The following GRM5 variants were observed in gnomAD, a reference collection of about 807,000 sequenced individuals.
The protein encoded by GRM5 is glutamate metabotropic receptor 5, also known as metabotropic glutamate receptor 5.
Under a neutral mutation model 83.1 loss-of-function variants are expected in GRM5, and 19 were observed. That is an observed-to-expected ratio of 0.23 (90% CI 0.16 to 0.34). GRM5 has a LOEUF of 0.34. GRM5 is among the 10% of genes least tolerant of loss of function. GRM5 has a pLI of 1.00. For synonymous variants in GRM5, 675 were observed against 633.6 expected (o/e 1.07, Z -0.98); for missense variants, 1,160 against 1,588.3 (o/e 0.73, Z 4.58).
At chr11:88,649,183 T>C (rs1292300554) in intron 4 of GRM5, among the ~76,000 whole-genome samples, 2 of 139,038 alleles carry the variant, frequency 1.4e-5, no homozygotes, top group Non-Finnish European at 3.0e-5. Context: ...GTATATATTA[T>C]ATATGTTATA....
At chr11:88,681,782 G>A (rs1441992346) in intron 3 of GRM5, among the ~76,000 whole-genome samples, 2 of 151,512 alleles carry the variant, frequency 1.3e-5, no homozygotes, top group Admixed American at 1.3e-4. Context: ...TGTTGGCCAT[G>A]CTGGTCTTGA....
chr11:88,989,307 C>G (rs1006077079), intron 2 of GRM5, among the ~76,000 whole-genome samples: 8 of 143,260 alleles, frequency 5.6e-5, no homozygotes, highest in Non-Finnish European at 1.2e-4. Flanking sequence ...ACAAGAAGAG[C>G]TAACTATCCT....
At chr11:88,712,545 A>C (rs1941306151) in intron 3 of GRM5, among the ~76,000 whole-genome samples, 1 of 152,048 alleles carries the variant, frequency 6.6e-6, no homozygotes, top group South Asian at 2.1e-4. Flanking sequence ...GATCATCTTA[A>C]CATCTTACTT....
intron 2 of GRM5, among the ~76,000 whole-genome samples, chr11:88,932,670 G>T (rs899604541): frequency 2.0e-5 from 3 of 151,788 alleles, no homozygotes; most frequent in African/African-American, 7.3e-5. Context: ...TCATATTTAG[G>T]ACATGATATT....
At chr11:89,064,333 A>G (rs1412413721) in intron 1 of GRM5, among the ~76,000 whole-genome samples, 1 of 152,234 alleles carries the variant, frequency 6.6e-6, no homozygotes, top group Admixed American at 6.5e-5. Context: ...CACTAAAAAA[A>G]TAGCATATGA....
At chr11:88,635,289 A>T (rs1273625518) in intron 4 of GRM5, among the ~76,000 whole-genome samples, 1 of 152,166 alleles carries the variant, frequency 6.6e-6, no homozygotes, top group Non-Finnish European at 1.5e-5. Flanking sequence ...ATTTCTACCA[A>T]CAGTATACAG....
intron 3 of GRM5, among the ~76,000 whole-genome samples, chr11:88,733,171 C>T (rs1325309838): frequency 6.6e-6 from 1 of 151,948 alleles, no homozygotes; most frequent in East Asian, 1.9e-4. Flanking sequence ...ATTCTCGTCA[C>T]TAGATTAGAA....
chr11:88,867,415 A>G (rs1944690200), intron 2 of GRM5, among the ~76,000 whole-genome samples: 1 of 151,830 alleles, frequency 6.6e-6, no homozygotes, highest in African/African-American at 2.4e-5. Context: ...GATGAAAGCA[A>G]AGACTATACC....
chr11:88,826,480 T>G (rs1438456242), intron 3 of GRM5, among the ~76,000 whole-genome samples: 2 of 151,598 alleles, frequency 1.3e-5, no homozygotes, highest in African/African-American at 4.8e-5. Flanking sequence ...TATTTTTCTT[T>G]TATTTTGGAC....
At chr11:89,014,252 A>C (rs1940789619) in intron 2 of GRM5, among the ~76,000 whole-genome samples, 1 of 152,152 alleles carries the variant, frequency 6.6e-6, no homozygotes, top group East Asian at 1.9e-4. Context: ...AGAAATTTAG[A>C]CTACTTAAGG....
At chr11:88,882,395 CAAA>C (rs11312148) in intron 2 of GRM5, among the ~76,000 whole-genome samples, 6 of 136,874 alleles carry the variant, frequency 4.4e-5, no homozygotes, top group African/African-American at 2.7e-5. Flanking sequence ...ACTAAAAATA[CAAA>C]AAAAAAAAAA....
At chr11:88,998,311 T>A (rs1282477178) in intron 2 of GRM5, among the ~76,000 whole-genome samples, 2 of 152,138 alleles carry the variant, frequency 1.3e-5, no homozygotes, top group African/African-American at 4.8e-5. Context: ...CAATGTAATA[T>A]ACCATATGAC....
chr11:88,819,464 A>T (rs1400195613), intron 3 of GRM5, among the ~76,000 whole-genome samples: 1 of 152,206 alleles, frequency 6.6e-6, no homozygotes. Context: ...TATTTATATA[A>T]CCTTAGACAA....
At chr11:88,518,906 T>C (rs560361873) in intron 9 of GRM5, among the ~76,000 whole-genome samples, 21 of 150,928 alleles carry the variant, frequency 1.4e-4, no homozygotes, top group Non-Finnish European at 3.1e-4. Context: ...TATTGAGTGG[T>C]TGATTGACTC....
intron 2 of GRM5, among the ~76,000 whole-genome samples, chr11:89,002,126 A>G (rs1246372079): frequency 2.0e-5 from 3 of 152,154 alleles, no homozygotes; most frequent in Non-Finnish European, 2.9e-5. Context: ...TGGATTGAAC[A>G]TATTTCTATT....
intron 2 of GRM5, among the ~76,000 whole-genome samples, chr11:88,899,640 C>A (rs998827045): frequency 6.6e-6 from 1 of 151,644 alleles, no homozygotes; most frequent in Non-Finnish European, 1.5e-5. Context: ...GAGCCAGAAC[C>A]AATTATTTAT....
At chr11:88,860,938 T>C (rs1410383444) in intron 2 of GRM5, among the ~76,000 whole-genome samples, 1 of 152,076 alleles carries the variant, frequency 6.6e-6, no homozygotes, top group Non-Finnish European at 1.5e-5. Flanking sequence ...ATGTTCAGTG[T>C]AAACCACAAA....
intron 2 of GRM5, among the ~76,000 whole-genome samples, chr11:88,916,978 G>T (rs1945606646): frequency 6.6e-6 from 1 of 152,100 alleles, no homozygotes; most frequent in South Asian, 2.1e-4. Flanking sequence ...GAGCCCTTGA[G>T]CATTGAATAT....
intron 3 of GRM5, among the ~76,000 whole-genome samples, chr11:88,778,798 G>A (rs747588322): frequency 6.6e-6 from 1 of 152,116 alleles, no homozygotes; most frequent in Admixed American, 6.5e-5. Flanking sequence ...AAACAAAAAT[G>A]TTTCTCTATT....
Sources: allele counts gnomAD v4.1 joint callset (sites outside exome capture counted in the v4.1 genomes callset), GRCh38; gene constraint gnomAD v4.1.1; transcripts MANE v1.5; gene names NCBI Gene and HGNC (gene_info 2026-07-23, HGNC 2026-07-21).